The following DNAJC16 variants were observed in gnomAD, a reference collection of about 807,000 sequenced individuals.
DNAJC16 encodes the protein DnaJ heat shock protein family (Hsp40) member C16, also known as dnaJ homolog subfamily C member 16.
DNAJC16 carries 76 observed loss-of-function variants against 92.7 expected under a neutral mutation model. The ratio of observed to expected loss-of-function variants is 0.82; its 90% CI spans 0.68 to 0.99. The LOEUF is 0.99. DNAJC16 is among the 50% of genes least tolerant of loss of function. DNAJC16 has a pLI of 0.00. For missense variants in DNAJC16, 869 were observed against 942.4 expected, an observed-to-expected ratio of 0.92 and a Z score of 1.02; for synonymous variants, 328 against 358.7, an observed-to-expected ratio of 0.91 and a Z score of 0.97.
At chr1:15,555,475 G>A (rs1304491042) in intron 7 of DNAJC16, among the ~76,000 whole-genome samples, 1 of 151,752 alleles carries the variant, frequency 6.6e-6, no homozygotes, top group Non-Finnish European at 1.5e-5. Context: ...ACCAGGTCAG[G>A]AGTTCGAGAC....
chr1:15,530,890 A>G (rs1193970258), intron 2 of DNAJC16, among the ~76,000 whole-genome samples: 1 of 152,068 alleles, frequency 6.6e-6, no homozygotes, highest in Admixed American at 6.6e-5. Flanking sequence ...GTTTTGCCAT[A>G]TTGGCCAGGC....
At position 15,563,917 on chromosome 1, in the gene DNAJC16, C is replaced by A. The variant is rs769379838; in HGVS notation, c.1339-12C>A. On this transcript the variant is annotated splice_polypyrimidine_tract_variant and intron_variant, in intron 9 of 14. Transcript: ENST00000375847. Reference sequence around the variant, plus strand: ...TGAAACTTCTGATGTTTTTTCTCTACTTTTCTTCCAGGTGTCTATTTTAGA... The same window carrying A: ...TGAAACTTCTGATGTTTTTTCTCTAATTTTCTTCCAGGTGTCTATTTTAGA... 3 of 1,589,090 alleles carry A rather than the reference C, an allele frequency of 1.9e-6. No homozygotes were observed. The highest frequency in any genetic ancestry group is 2.6e-6 in the Non-Finnish European group (3 of 1,170,334).
intron 8 of DNAJC16, among the ~76,000 whole-genome samples, chr1:15,560,661 T>G (rs1259479173): frequency 6.6e-6 from 1 of 152,122 alleles, no homozygotes; most frequent in Non-Finnish European, 1.5e-5. Context: ...TCAGATTCCT[T>G]TATAGTCTTA....
chr1:15,530,733 G>T (rs1710636115), intron 2 of DNAJC16, among the ~76,000 whole-genome samples: 1 of 152,214 alleles, frequency 6.6e-6, no homozygotes, highest in African/African-American at 2.4e-5. Flanking sequence ...TGTCACGCAG[G>T]CTGGAATGCA....
chr1:15,544,849 A>G (rs1638255961), intron 5 of DNAJC16, among the ~76,000 whole-genome samples: 1 of 152,228 alleles, frequency 6.6e-6, no homozygotes, highest in Non-Finnish European at 1.5e-5. Context: ...TGTCATAGGA[A>G]TCTGAGCCTA....
intron 2 of DNAJC16, among the ~76,000 whole-genome samples, chr1:15,533,963 C>T (rs2103403774): frequency 6.6e-6 from 1 of 152,318 alleles, no homozygotes; most frequent in African/African-American, 2.4e-5. Flanking sequence ...AGACATGCAC[C>T]ATTTCCCACC....
chr1:15,568,688 A>C lies in DNAJC16; in HGVS notation c.*511A>C. On this transcript the variant is annotated 3_prime_UTR_variant, in exon 15 of 15. Transcript: ENST00000375847. ...GCATCTGGAAAAAGGCCCCTTTCCAAGCAATCTCACGTTTACTGGTTGTTC... is the reference window on the plus strand; with the variant it reads ...GCATCTGGAAAAAGGCCCCTTTCCACGCAATCTCACGTTTACTGGTTGTTC... The C allele has an allele frequency of 2.5e-6, 1 of 399,280 alleles. No homozygotes were observed. Among genetic ancestry groups the C allele is most frequent in the South Asian group, 1.3e-4 (1 of 7,876 alleles). The allele number at this position is 399,280 out of a possible 1,614,324, so 24.7% of individuals were successfully genotyped here.
At position 15,569,639 on chromosome 1, in the gene DNAJC16, T is replaced by TTC. The variant is rs915005086; in HGVS notation, c.*1463_*1464insCT. 6.6e-6 allele frequency: 1 copy of TTC among 151,278 alleles called. No individual in the cohort carries two copies. The highest frequency in any genetic ancestry group is 2.4e-5 in the African/African-American group (1 of 41,182). The allele number at this position is 151,278 out of a possible 1,614,324, so 9.4% of individuals were successfully genotyped here. A position where few individuals can be genotyped will look rare whatever the true frequency, so the allele number is the denominator to read the frequency against. On this transcript the variant is annotated 3_prime_UTR_variant, in exon 15 of 15. Coordinates refer to ENST00000375847, the MANE Select transcript of DNAJC16 (RefSeq NM_015291.4). ...ACATTTACTAAGTATTTCTTTTTTT[T>TTC]TTTTTTTTTTTAGTTGTTGAGACAG...
intron 7 of DNAJC16, among the ~76,000 whole-genome samples, chr1:15,558,049 T>C (rs977632391): frequency 1.3e-5 from 2 of 152,080 alleles, no homozygotes; most frequent in South Asian, 4.1e-4. Context: ...TTTTGTACTT[T>C]TAGTAGAGAC....
At position 15,547,827 on chromosome 1, in the gene DNAJC16, C is replaced by T. The variant is rs559184020; in HGVS notation, c.865-443C>T. Among the ~76,000 whole-genome samples, 24 of 152,256 alleles carry T rather than the reference C, an allele frequency of 1.6e-4. No individual in the cohort carries two copies. In the South Asian group the frequency reaches 4.6e-3, roughly 29 times the overall value. On this transcript the variant is annotated intron_variant, in intron 6 of 14. Transcript: ENST00000375847. ...AGTTCTCACTACAGCATGGTGAGCG[C>T]GATTCCCACTGACTTCAGACCTGCC... is the stretch of plus-strand genomic sequence containing the variant.
chr1:15,536,750 G>A lies in DNAJC16; in HGVS notation c.510G>A (p.Trp170Ter). The A allele has an allele frequency of 6.2e-7, 1 of 1,614,042 alleles. No homozygotes were observed. Among genetic ancestry groups the A allele is most frequent in the Non-Finnish European group, 8.5e-7 (1 of 1,180,006 alleles). Residue 170 changes from tryptophan (W) to a stop codon, truncating the protein, a stop_gained, in exon 4 of 15, where the codon TGG becomes TGA. Transcript: ENST00000375847. LOFTEE classifies it high-confidence loss of function. The part of the protein sequence containing the change: ...KPYLIKITSD[W>*]CFSCIHIEPV... The stretch of plus-strand genomic sequence containing the variant: ...ACCTCATCAAGATCACCTCCGATTG[G>A]TGCTTTAGCTGCATTCATATCGAGC...
intron 4 of DNAJC16, among the ~76,000 whole-genome samples, chr1:15,541,736 C>A (rs1018171477): frequency 7.2e-5 from 11 of 152,140 alleles, no homozygotes; most frequent in African/African-American, 2.7e-4. Context: ...CAAGGATGCC[C>A]GTCAGCATTC....
chr1:15,538,857 G>C (rs1710857288), intron 4 of DNAJC16, among the ~76,000 whole-genome samples: 1 of 152,144 alleles, frequency 6.6e-6, no homozygotes, highest in African/African-American at 2.4e-5. Flanking sequence ...TCTTGATTTT[G>C]TTTCATTTCA....
At chr1:15,561,647 A>G (rs1418315652) in intron 8 of DNAJC16, among the ~76,000 whole-genome samples, 2 of 152,064 alleles carry the variant, frequency 1.3e-5, no homozygotes, top group African/African-American at 2.4e-5. Context: ...TCACACCACT[A>G]CACTCTCCAG....
At chr1:15,529,018 A>G in intron 1 of DNAJC16, 70 bp from the exon 2 acceptor site, 1 of 1,391,240 alleles carries the variant, frequency 7.2e-7, no homozygotes, top group Non-Finnish European at 9.9e-7. Flanking sequence ...TATATCTTAT[A>G]CCTTTACCTA....
At chr1:15,555,412 C>T (rs1168076058) in intron 7 of DNAJC16, among the ~76,000 whole-genome samples, 2 of 149,068 alleles carry the variant, frequency 1.3e-5, no homozygotes, top group African/African-American at 2.5e-5. Context: ...AGGCCGGGTG[C>T]GGTGGCTCAC....
rs373355549 is a variant in DNAJC16, at chr1:15,559,529, C to T, written c.1027C>T (p.Arg343Ter). The change falls in exon 8 of 15, where the codon CGA becomes TGA. Residue 343 changes from arginine to a stop codon, truncating the protein, a stop_gained. Coordinates refer to ENST00000375847, the MANE Select transcript of DNAJC16 (RefSeq NM_015291.4). LOFTEE classifies it high-confidence loss of function. Reference sequence around the variant, plus strand: ...CTGATTCTTGGTTTTTCTCTAGGCCCGAGGTATGAAGAAGCAAATCATTGA... The same window carrying T: ...CTGATTCTTGGTTTTTCTCTAGGCCTGAGGTATGAAGAAGCAAATCATTGA... ...INRPADVIQA[R>*]GMKKQIIDDF... is the part of the protein sequence containing the mutation. 24 of 1,613,804 alleles carry T rather than the reference C, an allele frequency of 1.5e-5. No individual in the cohort carries two copies. The highest frequency in any genetic ancestry group is 2.7e-5 in the African/African-American group (2 of 74,880).
intron 1 of DNAJC16, 23 bp downstream of exon 1, chr1:15,526,981 C>G (rs920395416): frequency 2.0e-5 from 3 of 152,384 alleles, no homozygotes; most frequent in Non-Finnish European, 4.4e-5. Context: ...CGGCGTGACG[C>G]GCGGAACCGC....
intron 6 of DNAJC16, 83 bp from the exon 7 acceptor site, chr1:15,548,187 G>T: frequency 1.4e-6 from 2 of 1,400,652 alleles, no homozygotes; most frequent in Non-Finnish European, 2.0e-6. Context: ...TCTCTGCTCA[G>T]TGATGTGAAA....
Sources: allele counts gnomAD v4.1 joint callset (sites outside exome capture counted in the v4.1 genomes callset), GRCh38; gene constraint gnomAD v4.1.1; transcripts MANE v1.5; gene names NCBI Gene and HGNC (gene_info 2026-07-23, HGNC 2026-07-21).